DNAH3: variants seen among roughly 807,000 people sequenced by gnomAD.
The protein encoded by DNAH3 is dynein axonemal heavy chain 3, also known as axonemal beta dynein heavy chain 3.
A neutral mutation model predicts 432.5 loss-of-function variants in DNAH3; 332 were observed. The ratio of observed to expected loss-of-function variants is 0.77; its 90% CI spans 0.70 to 0.84. The LOEUF (loss-of-function observed/expected upper bound fraction) is 0.84. Ranked by LOEUF, DNAH3 falls within the 40% of genes least tolerant of loss-of-function variation. The pLI is 0.00. For missense variants in DNAH3, 4,861 were observed against 5,114.0 expected, an observed-to-expected ratio of 0.95 and a Z score of 1.51; for synonymous variants, 1,956 against 1,900.2, an observed-to-expected ratio of 1.03 and a Z score of -0.76.
chr16:21,120,909 T>C (rs2092324880), intron 10 of DNAH3: 2 of 1,323,964 alleles, frequency 1.5e-6, no homozygotes, highest in African/African-American at 2.9e-5. Flanking sequence ...ATTTCCTTCC[T>C]AGGGATACTG....
At chr16:20,943,396 A>AT (rs1404278447) in intron 58 of DNAH3, among the ~76,000 whole-genome samples, 6 of 151,730 alleles carry the variant, frequency 4.0e-5, no homozygotes, top group Admixed American at 3.3e-4. Context: ...ACTTAAAAAA[A>AT]ATTTTTTTGT....
At chr16:20,948,335 TTTGGGAATA>T in intron 57 of DNAH3, 139 bp downstream of exon 57, 7 of 797,942 alleles carry the variant, frequency 8.8e-6, no homozygotes, top group Middle Eastern at 3.9e-4. Flanking sequence ...CTTGCAGGCT[TTTGGGAATA>T]TTGGGAATAG....
chr16:21,137,770 A>C (rs2092664112), intron 5 of DNAH3, among the ~76,000 whole-genome samples: 2 of 152,210 alleles, frequency 1.3e-5, no homozygotes, highest in Non-Finnish European at 2.9e-5. Context: ...CAAAAGCAAC[A>C]TAAACACACA....
intron 29 of DNAH3, among the ~76,000 whole-genome samples, chr16:21,050,428 A>G (rs1294669039): frequency 6.6e-6 from 1 of 152,174 alleles, no homozygotes; most frequent in African/African-American, 2.4e-5. Flanking sequence ...TATTTCTCCA[A>G]CTAGATTATG....
At chr16:21,018,096 A>G (rs2087955928) in intron 41 of DNAH3, among the ~76,000 whole-genome samples, 2 of 152,116 alleles carry the variant, frequency 1.3e-5, no homozygotes, top group Admixed American at 1.3e-4. Context: ...ATTTGTTTAT[A>G]TATTTTTCCT....
intron 19 of DNAH3, among the ~76,000 whole-genome samples, chr16:21,084,479 C>T (rs12597723): frequency 0.48 from 72,132 of 151,580 alleles, 17,390 homozygotes; most frequent in South Asian, 0.6. Flanking sequence ...TGTGCCACCA[C>T]GCCCGGCTAA....
chr16:21,120,920 G>A (rs1218280026), intron 10 of DNAH3: 2 of 1,209,812 alleles, frequency 1.7e-6, no homozygotes, highest in Non-Finnish European at 2.4e-6. Context: ...AGGGATACTG[G>A]TTGTAGGAGA....
At chr16:21,020,664 A>C (rs2088163713) in intron 40 of DNAH3, among the ~76,000 whole-genome samples, 1 of 151,640 alleles carries the variant, frequency 6.6e-6, no homozygotes, top group Admixed American at 6.6e-5. Flanking sequence ...TCAACTTCCC[A>C]AAGTGCTGGA....
intron 59 of DNAH3, among the ~76,000 whole-genome samples, chr16:20,940,305 C>T (rs1055938673): frequency 6.6e-6 from 1 of 151,920 alleles, no homozygotes; most frequent in African/African-American, 2.4e-5. Context: ...TCAAGCAATC[C>T]TCCCGGCTTG....
intron 52 of DNAH3, 83 bp downstream of exon 52, chr16:20,969,709 C>A (rs930867508): frequency 1.3e-6 from 2 of 1,483,918 alleles, no homozygotes; most frequent in East Asian, 2.3e-5. Context: ...CGCCTGCAGT[C>A]GACTTGGGGA....
exon 15 of DNAH3, chr16:21,106,621 T>C (rs2091953092): frequency 6.2e-7 from 1 of 1,609,154 alleles, no homozygotes; most frequent in Non-Finnish European, 8.5e-7. Context: ...CTCCTTAGTG[T>C]TGGCAGGAAC....
At chr16:20,959,610 A>AACACACACACAC (rs55757849) in intron 53 of DNAH3, among the ~76,000 whole-genome samples, 47 of 137,638 alleles carry the variant, frequency 3.4e-4, no homozygotes, top group African/African-American at 8.8e-4. Flanking sequence ...TCTCTATTTA[A>AACACACACACAC]ACACACACAC....
At chr16:21,127,974 TGAG>T (rs1360458715) in intron 7 of DNAH3, among the ~76,000 whole-genome samples, 162 bp from the exon 9 acceptor site, 2 of 151,962 alleles carry the variant, frequency 1.3e-5, no homozygotes, top group African/African-American at 4.8e-5. Flanking sequence ...TATGGGAGGC[TGAG>T]GAGGGAGGAG....
intron 12 of DNAH3, 57 bp downstream of exon 12, chr16:21,117,146 G>T: frequency 8.2e-7 from 1 of 1,218,444 alleles, no homozygotes; most frequent in South Asian, 1.4e-5. Context: ...TGAGAGTTAA[G>T]AACACCAAAT....
intron 1 of DNAH3, chr16:21,159,319 C>T (rs1359372762): frequency 1.2e-6 from 2 of 1,612,880 alleles, no homozygotes; most frequent in Admixed American, 3.3e-5. Context: ...CGGACCCCCT[C>T]TCCACCTGCA....
chr16:21,153,925 C>T (rs548922636), intron 1 of DNAH3, among the ~76,000 whole-genome samples: 2 of 152,292 alleles, frequency 1.3e-5, no homozygotes, highest in African/African-American at 2.4e-5. Flanking sequence ...GCTTTTCCAT[C>T]TCTTATATTA....
intron 16 of DNAH3, among the ~76,000 whole-genome samples, chr16:21,102,983 G>A (rs956091959): frequency 1.1e-4 from 16 of 151,136 alleles, no homozygotes; most frequent in African/African-American, 3.4e-4. Context: ...TGCCTGCCTC[G>A]GCCTCCCAAA....
At chr16:21,112,739 C>A (rs2092103887) in intron 12 of DNAH3, among the ~76,000 whole-genome samples, 1 of 151,994 alleles carries the variant, frequency 6.6e-6, no homozygotes, top group African/African-American at 2.4e-5. Flanking sequence ...AAATTTAAAA[C>A]CAACCACACA....
intron 22 of DNAH3, 32 bp from the exon 23 acceptor site, chr16:21,069,626 T>G (rs780497234): frequency 1.3e-6 from 2 of 1,575,222 alleles, no homozygotes; most frequent in Non-Finnish European, 1.7e-6. Context: ...TCTGGATCAT[T>G]AACCTGCCAC....
Sources: allele counts gnomAD v4.1 joint callset (sites outside exome capture counted in the v4.1 genomes callset), GRCh38; gene constraint gnomAD v4.1.1; transcripts MANE v1.5; gene names NCBI Gene and HGNC (gene_info 2026-07-23, HGNC 2026-07-21).